Variants in UBP1 observed in about 807,000 individuals in gnomAD.
UBP1 encodes upstream binding protein 1.
UBP1 carries 22 observed loss-of-function variants against 76.1 expected under a neutral mutation model. The observed-to-expected ratio is 0.29, with a 90% CI of 0.21 to 0.41. The LOEUF (loss-of-function observed/expected upper bound fraction) is 0.41. UBP1 is among the 10% of genes least tolerant of loss of function. UBP1 has a pLI of 1.00. For missense variants in UBP1, 436 were observed against 668.1 expected (o/e 0.65, Z 3.83); for synonymous variants, 224 against 237.1 (o/e 0.94, Z 0.51).
At position 33,416,829 on chromosome 3, in the gene UBP1, A is replaced by G. The variant is rs1174838850; in HGVS notation, c.271T>C (p.Ser91Pro). The G allele has an allele frequency of 6.2e-7, 1 of 1,612,968 alleles. No homozygotes were observed. The highest frequency in any genetic ancestry group is 1.3e-5 in the African/African-American group (1 of 74,900). Residue 91 changes from serine (S) to proline (P), a missense_variant, in exon 3 of 16, where the codon TCA becomes CCA. By Grantham distance (74) the Ser-to-Pro change is moderately conservative. Around this residue, in one of 3 missense-constraint regions of UBP1, gnomAD observed 161 missense variants for 237.9 expected, o/e 0.68. Transcript: ENST00000283629. ...ETLTYLNQGQSYEIRMLDNRK... is the reference protein window; with the variant it reads ...ETLTYLNQGQPYEIRMLDNRK... ...TTATCCAGCATCCGAATTTCATATG[A>G]CTGACCTATTTAAAGAAATTGTGTA...
intron 4 of UBP1, 88 bp downstream of exon 4, chr3:33,412,634 C>T (rs1397488260): frequency 4.6e-6 from 4 of 863,190 alleles, no homozygotes; most frequent in Non-Finnish European, 7.6e-6. Flanking sequence ...TTTCCCCACA[C>T]AAGTAATTCA....
chr3:33,439,750 G>A lies in UBP1; in HGVS notation c.99C>T (p.Gly33=), dbSNP rs764669512. 12 of 1,612,280 alleles carry A rather than the reference G, an allele frequency of 7.4e-6. No homozygotes were observed. Among genetic ancestry groups the A allele is most frequent in the Non-Finnish European group, 9.3e-6 (11 of 1,179,444 alleles). Residue 33 remains glycine, a synonymous_variant, in exon 1 of 16, where the codon GGC becomes GGT. Coordinates refer to ENST00000283629, the MANE Select transcript of UBP1 (RefSeq NM_014517.5). ...GAGCCCAGTACCTCATGCTGTAAGC[G>A]CCGGCGCCCAGTTCCTGCCCGATGC... ...LSGIGQELGA[G]AYSMSDVLAL...
Position 33,406,444 on chromosome 3 carries a change from AAACAT to A in UBP1, c.927+2241_927+2245del, listed in dbSNP as rs760376680. ...GCTACAACATCCCCCTGCACATATAAAACATAACACAGCATAACATACATGTATAA... is the reference window on the plus strand; with the variant it reads ...GCTACAACATCCCCCTGCACATATAAAACACAGCATAACATACATGTATAA... On this transcript the variant is annotated intron_variant, in intron 8 of 15. Transcript: ENST00000283629. Among the ~76,000 whole-genome samples the A allele has an allele frequency of 1.2e-4, 19 of 152,286 alleles. No individual in the cohort carries two copies. In the East Asian group the frequency reaches 2.3e-3, roughly 19 times the overall value.
At position 33,439,895 on chromosome 3, in the gene UBP1, G is replaced by C; in HGVS notation, c.-47C>G. On this transcript the variant is annotated 5_prime_UTR_variant, in exon 1 of 16. Transcript: ENST00000283629. ...CGCACACCGCGGCCTCCGCGTCCAGGGCGAAGGAGCCGGAGCTCCGCTGGC... is the reference window on the plus strand; with the variant it reads ...CGCACACCGCGGCCTCCGCGTCCAGCGCGAAGGAGCCGGAGCTCCGCTGGC... 6.2e-7 allele frequency: 1 copy of C among 1,603,832 alleles called. No homozygotes were observed. The highest frequency in any genetic ancestry group is 8.5e-7 in the Non-Finnish European group (1 of 1,175,092).
chr3:33,391,317 A>G (rs1232736513), intron 15 of UBP1: 1 of 152,248 alleles, frequency 6.6e-6, no homozygotes, highest in Non-Finnish European at 1.5e-5. Context: ...AAAACAGTCT[A>G]TGAATGTATG....
chr3:33,412,677 T>C (rs1226404098), intron 4 of UBP1, 45 bp downstream of exon 4: 1 of 1,272,848 alleles, frequency 7.9e-7, no homozygotes, highest in Non-Finnish European at 1.2e-6. Context: ...TGGCTATAGC[T>C]AAACAATACC....
chr3:33,416,876 A>C (rs755561141), intron 2 of UBP1, 42 bp from the exon 3 acceptor site: 1 of 1,485,354 alleles, frequency 6.7e-7, no homozygotes, highest in East Asian at 2.3e-5. Flanking sequence ...CCTTATAAAG[A>C]ACATCACTTT....
At chr3:33,407,947 CATAAA>C (rs747574461) in intron 8 of UBP1, among the ~76,000 whole-genome samples, 3 of 152,140 alleles carry the variant, frequency 2.0e-5, no homozygotes, top group Non-Finnish European at 4.4e-5. Context: ...AGAGTCATGT[CATAAA>C]ATAAAGATTT....
chr3:33,396,330 C>T (rs1344277510), intron 12 of UBP1, 50 bp from the exon 13 acceptor site: 9 of 1,379,884 alleles, frequency 6.5e-6, no homozygotes, highest in African/African-American at 1.4e-5. Flanking sequence ...AGCTGCCTTA[C>T]ACATGTACAA....
intron 11 of UBP1, chr3:33,398,446 G>A (rs1392931678): frequency 1.3e-5 from 2 of 152,232 alleles, no homozygotes; most frequent in African/African-American, 4.8e-5. Flanking sequence ...TGACCAGAGA[G>A]TACTGTGTAT....
intron 1 of UBP1, among the ~76,000 whole-genome samples, chr3:33,431,858 C>T (rs1014543136): frequency 1.3e-5 from 2 of 151,884 alleles, no homozygotes; most frequent in African/African-American, 4.8e-5. Flanking sequence ...TGTCATTAAG[C>T]TTTCTAGATG....
Position 33,411,473 on chromosome 3 carries a change from T to C in UBP1, c.555+108A>G, listed in dbSNP as rs1162599836. 8.5e-6 allele frequency: 8 copies of C among 939,262 alleles called. No homozygotes were observed. The African/African-American group carries it at 1.2e-4, about 14-fold the overall frequency. 58.2% of individuals were successfully genotyped at this position (939,262 alleles called of 1,614,324 possible). Reference sequence around the variant, plus strand: ...ATGTATATAGAAAGACACTACAACATAGTTTATAAATAGACATTTAAAGGA... The same window carrying C: ...ATGTATATAGAAAGACACTACAACACAGTTTATAAATAGACATTTAAAGGA... On this transcript the variant is annotated intron_variant, in intron 5 of 15. Transcript: ENST00000283629.
At chr3:33,418,615 T>C (rs1284639345) in intron 2 of UBP1, among the ~76,000 whole-genome samples, 3 of 151,790 alleles carry the variant, frequency 2.0e-5, no homozygotes, top group East Asian at 2.0e-4. Context: ...TCCCAGCACT[T>C]TGGGAGCCCG....
rs1195924935 is a variant in UBP1, at chr3:33,390,598, C to T, written c.1586-230G>A. 8.3e-5 allele frequency: 48 copies of T among 577,906 alleles called. 2 individuals are homozygous for T. In the South Asian group the frequency reaches 8.9e-4, roughly 11 times the overall value. The allele number at this position is 577,906 out of a possible 1,614,324, so 35.8% of individuals were successfully genotyped here. A position where few individuals can be genotyped will look rare whatever the true frequency, so the allele number is the denominator to read the frequency against. On this transcript the variant is annotated intron_variant, in intron 15 of 15. Transcript: ENST00000283629. Reference sequence around the variant, plus strand: ...CGAAGCCTGGCCCACTATCAACGCCCGCATTCCAACACTGTCTGCCAGTTC... The same window carrying T: ...CGAAGCCTGGCCCACTATCAACGCCTGCATTCCAACACTGTCTGCCAGTTC...
At chr3:33,410,739 T>C (rs754325317) in intron 5 of UBP1, among the ~76,000 whole-genome samples, 1 of 152,182 alleles carries the variant, frequency 6.6e-6, no homozygotes, top group East Asian at 1.9e-4. Flanking sequence ...AGAGACATGA[T>C]ATTTATGGAT....
Position 33,427,372 on chromosome 3 carries a change from T to G in UBP1, c.114-1631A>C, listed in dbSNP as rs114065234. Among the ~76,000 whole-genome samples the G allele has an allele frequency of 4.0e-3, 612 of 152,366 alleles. 6 individuals carry two copies. The highest frequency in any genetic ancestry group is 0.013 in the African/African-American group (555 of 41,586). ...AGGTGATTATTTGTTTTTGAGATAA[T>G]TATCTGAGCTGTACGTTTGTATCTT... On this transcript the variant is annotated intron_variant, in intron 1 of 15. Transcript: ENST00000283629.
At chr3:33,394,742 G>GT (rs2043902100) in intron 13 of UBP1, among the ~76,000 whole-genome samples, 1 of 150,106 alleles carries the variant, frequency 6.7e-6, no homozygotes, top group South Asian at 2.1e-4. Flanking sequence ...TAAAATTACA[G>GT]TAAGAATATA....
chr3:33,398,279 C>T (rs2044085623), intron 11 of UBP1: 1 of 152,140 alleles, frequency 6.6e-6, no homozygotes, highest in Admixed American at 6.5e-5. Flanking sequence ...GGCTCAAATG[C>T]AATAGCCTAC....
chr3:33,408,833 TC>T, intron 7 of UBP1, 36 bp from the exon 8 acceptor site: 1 of 1,554,786 alleles, frequency 6.4e-7, no homozygotes, highest in African/African-American at 1.4e-5. Flanking sequence ...CAATGTCTTT[TC>T]ATTATACAAA....
Sources: allele counts gnomAD v4.1 joint callset (sites outside exome capture counted in the v4.1 genomes callset), GRCh38; gene constraint gnomAD v4.1.1; regional missense constraint gnomAD v4.1.1; transcripts MANE v1.5; gene names NCBI Gene and HGNC (gene_info 2026-07-23, HGNC 2026-07-21).